The following CNTNAP5 variants were observed in gnomAD, a reference collection of about 807,000 sequenced individuals.
CNTNAP5 encodes contactin-associated protein-like 5.
A neutral mutation model predicts 150.2 loss-of-function variants in CNTNAP5; 72 were observed. The ratio of observed to expected loss-of-function variants is 0.48; its 90% CI spans 0.40 to 0.58. CNTNAP5 has a LOEUF of 0.58. Among genes scored for constraint, CNTNAP5 ranks in the 20% least tolerant of loss-of-function variants. CNTNAP5 has a pLI of 0.00. For missense variants in CNTNAP5, 1,636 were observed against 1,626.2 expected (o/e 1.01, Z -0.10); for synonymous variants, 672 against 619.8 (o/e 1.08, Z -1.25).
chr2:124,396,835 G>A (rs1226622295), intron 3 of CNTNAP5, among the ~76,000 whole-genome samples: 2 of 152,114 alleles, frequency 1.3e-5, no homozygotes, highest in Non-Finnish European at 2.9e-5. Context: ...TAACGATAAC[G>A]ATAACAACTG....
At chr2:124,677,392 C>T (rs999772833) in intron 13 of CNTNAP5, among the ~76,000 whole-genome samples, 1 of 152,192 alleles carries the variant, frequency 6.6e-6, no homozygotes, top group African/African-American at 2.4e-5. Context: ...AGTGAAAGAA[C>T]AAACATTCCA....
intron 3 of CNTNAP5, among the ~76,000 whole-genome samples, chr2:124,360,220 C>T (rs1690157532): frequency 6.6e-6 from 1 of 151,480 alleles, no homozygotes; most frequent in African/African-American, 2.4e-5. Flanking sequence ...AGATGGGTTT[C>T]CTGAATACAG....
chr2:124,326,538 T>A (rs2104674831), intron 3 of CNTNAP5, among the ~76,000 whole-genome samples: 1 of 152,336 alleles, frequency 6.6e-6, no homozygotes, highest in African/African-American at 2.4e-5. Context: ...ACATGGGCTC[T>A]GGAGGCAGAT....
intron 3 of CNTNAP5, among the ~76,000 whole-genome samples, chr2:124,365,039 C>T (rs1442578046): frequency 6.6e-6 from 1 of 152,042 alleles, no homozygotes; most frequent in Non-Finnish European, 1.5e-5. Context: ...CTTCATGGTT[C>T]TTGAATGAAT....
intron 3 of CNTNAP5, among the ~76,000 whole-genome samples, chr2:124,407,599 G>A (rs1245769911): frequency 2.0e-5 from 3 of 152,208 alleles, no homozygotes; most frequent in African/African-American, 7.2e-5. Context: ...TGGCAGAAAT[G>A]TGGTAATTTT....
intron 1 of CNTNAP5, among the ~76,000 whole-genome samples, chr2:124,036,941 A>C (rs1326046984): frequency 6.6e-6 from 1 of 152,190 alleles, no homozygotes; most frequent in African/African-American, 2.4e-5. Flanking sequence ...AACTCAACAC[A>C]AAGACTTAGC....
At chr2:124,387,119 G>A (rs747984407) in intron 3 of CNTNAP5, among the ~76,000 whole-genome samples, 1 of 152,170 alleles carries the variant, frequency 6.6e-6, no homozygotes, top group African/African-American at 2.4e-5. Flanking sequence ...TTATGTTTAA[G>A]CAACCTAATT....
intron 1 of CNTNAP5, among the ~76,000 whole-genome samples, chr2:124,172,598 C>G (rs1320127831): frequency 6.6e-6 from 1 of 152,060 alleles, no homozygotes; most frequent in Non-Finnish European, 1.5e-5. Flanking sequence ...ATTTTTAGTA[C>G]AGACAGGATC....
intron 10 of CNTNAP5, among the ~76,000 whole-genome samples, chr2:124,561,109 C>T (rs1401421617): frequency 2.0e-5 from 3 of 150,302 alleles, no homozygotes; most frequent in Admixed American, 1.3e-4. Flanking sequence ...TTTGTGTTTA[C>T]GTGTGTGCTG....
intron 3 of CNTNAP5, among the ~76,000 whole-genome samples, chr2:124,356,841 C>G (rs1690023886): frequency 6.6e-6 from 1 of 151,362 alleles, no homozygotes; most frequent in Non-Finnish European, 1.5e-5. Flanking sequence ...ATGGCTGGGT[C>G]AAATGGTATT....
At chr2:124,520,777 C>T (rs560847734) in intron 8 of CNTNAP5, among the ~76,000 whole-genome samples, 1 of 152,274 alleles carries the variant, frequency 6.6e-6, no homozygotes, top group Admixed American at 6.5e-5. Flanking sequence ...TTCCTGTTCT[C>T]CTCATTGGAC....
At chr2:124,784,476 G>A (rs186532943) in intron 17 of CNTNAP5, among the ~76,000 whole-genome samples, 1 of 152,266 alleles carries the variant, frequency 6.6e-6, no homozygotes, top group Non-Finnish European at 1.5e-5. Context: ...CTCAGTCCAA[G>A]GAAACATCAT....
intron 13 of CNTNAP5, among the ~76,000 whole-genome samples, chr2:124,724,870 C>T (rs544844355): frequency 1.4e-5 from 2 of 144,688 alleles, no homozygotes; most frequent in Admixed American, 6.9e-5. Context: ...TACTGTGGTA[C>T]ATTAATCCCT....
chr2:124,368,046 AT>A (rs1332618504), intron 3 of CNTNAP5, among the ~76,000 whole-genome samples: 2 of 152,098 alleles, frequency 1.3e-5, no homozygotes, highest in Admixed American at 6.6e-5. Flanking sequence ...ACTATAGGTG[AT>A]TTTTTTCCCA....
intron 3 of CNTNAP5, among the ~76,000 whole-genome samples, chr2:124,386,798 C>T (rs1221220461): frequency 6.6e-6 from 1 of 150,776 alleles, no homozygotes; most frequent in Non-Finnish European, 1.5e-5. Context: ...CACTCCTCTG[C>T]AATGGAGTGG....
chr2:124,808,761 T>C (rs1157140052), intron 19 of CNTNAP5, among the ~76,000 whole-genome samples: 1 of 152,188 alleles, frequency 6.6e-6, no homozygotes, highest in Non-Finnish European at 1.5e-5. Flanking sequence ...CAATGTTTGC[T>C]GAACAGTTTT....
chr2:124,103,777 G>A (rs567163338), intron 1 of CNTNAP5, among the ~76,000 whole-genome samples: 3 of 149,514 alleles, frequency 2.0e-5, no homozygotes, highest in Non-Finnish European at 4.4e-5. Flanking sequence ...GTTAAGTGAG[G>A]CATGACTGTA....
At chr2:124,507,848 C>A (rs1694451176) in intron 8 of CNTNAP5, among the ~76,000 whole-genome samples, 1 of 152,138 alleles carries the variant, frequency 6.6e-6, no homozygotes. Context: ...CACAAGCTTC[C>A]TCATGAGCCT....
intron 14 of CNTNAP5, among the ~76,000 whole-genome samples, chr2:124,752,043 A>C (rs946481815): frequency 6.6e-6 from 1 of 152,094 alleles, no homozygotes; most frequent in Admixed American, 6.6e-5. Flanking sequence ...GATTATGTCA[A>C]AGGAGCTGCT....
Sources: gnomAD v4.1 joint callset for allele counts (sites outside exome capture counted in the v4.1 genomes callset) on GRCh38, gnomAD v4.1.1 for gene constraint, MANE v1.5 for transcripts, NCBI Gene and HGNC (gene_info 2026-07-23, HGNC 2026-07-21) for gene names.